The following SYTL3 variants were observed in gnomAD, a reference collection of about 807,000 sequenced individuals.
SYTL3 encodes synaptotagmin-like protein 3.
A neutral mutation model predicts 82.1 loss-of-function variants in SYTL3; 88 were observed. The observed-to-expected ratio is 1.07, with a 90% confidence interval of 0.90 to 1.28. The LOEUF is 1.28. Among genes scored for constraint, SYTL3 ranks in the 50% most tolerant of loss-of-function variants. The pLI is 0.00. For synonymous variants in SYTL3, 311 were observed against 289.4 expected, an observed-to-expected ratio of 1.07 and a Z score of -0.76; for missense variants, 831 against 757.6, an observed-to-expected ratio of 1.10 and a Z score of -1.14.
upstream of SYTL3, among the ~76,000 whole-genome samples, chr6:158,645,384 T>C (rs1324959007): frequency 6.6e-6 from 1 of 152,184 alleles, no homozygotes; most frequent in East Asian, 1.9e-4. Flanking sequence ...AATTAGGAAT[T>C]GCACTGGGCT....
rs1377580483 is a variant in SYTL3, at chr6:158,674,071, G to A, written c.329+8458G>A. ...CGCAGTCCACCCTGGGCAACATAGT[G>A]AGACTGTGTCTCAAAATAATAATAA... is the stretch of plus-strand genomic sequence containing the variant. On this transcript the variant is annotated intron_variant, in intron 5 of 17. Transcript: ENST00000611299. Among the ~76,000 whole-genome samples, 3 of 140,680 alleles carry A rather than the reference G, an allele frequency of 2.1e-5. No homozygotes were observed. The Admixed American group carries it at 2.2e-4, about 10-fold the overall frequency. The allele number at this position is 140,680 out of a possible 152,430, so 92.3% of individuals were successfully genotyped here. A position where few individuals can be genotyped will look rare whatever the true frequency, so the allele number is the denominator to read the frequency against.
Position 158,764,524 on chromosome 6 carries a change from T to C in SYTL3, c.1753T>C (p.Cys585Arg), listed in dbSNP as rs750344063. ...KGDTAVGGDA[C>R]SLSKLQWQKV... ...AGACACAGCTGTTGGCGGGGATGCA[T>C]GCTCACTATCGAAGCTCCAGTGGCA... The change falls in exon 18 of 18, where the codon TGC (cysteine) becomes CGC (arginine). Residue 585 changes from cysteine (C) to arginine (R), a missense_variant. Physicochemically the swap from Cys to Arg is radical, Grantham distance 180. Transcript: ENST00000611299. The C allele has an allele frequency of 8.1e-6, 13 of 1,613,946 alleles. No individual in the cohort carries two copies. Among genetic ancestry groups the C allele is most frequent in the African/African-American group, 2.7e-5 (2 of 74,914 alleles).
At chr6:158,646,478 A>G (rs1787469613), upstream of SYTL3, among the ~76,000 whole-genome samples, 7 of 152,156 alleles carry the variant, frequency 4.6e-5, no homozygotes, top group Admixed American at 4.6e-4. Flanking sequence ...CCTAAAATTT[A>G]TTGCATGAAT....
intron 2 of SYTL3, among the ~76,000 whole-genome samples, chr6:158,658,213 A>C (rs1257074820): frequency 6.6e-6 from 1 of 152,188 alleles, no homozygotes; most frequent in Non-Finnish European, 1.5e-5. Flanking sequence ...TTTCTAGAAC[A>C]TTTGGAGTGT....
chr6:158,703,814 A>ATTATTATTG (rs1781607120), intron 6 of SYTL3, among the ~76,000 whole-genome samples: 1 of 91,450 alleles, frequency 1.1e-5, no homozygotes, highest in Non-Finnish European at 2.4e-5. Context: ...TGGGTTTTAT[A>ATTATTATTG]TTATTATCAT....
rs138798431 is a variant in SYTL3 at position 158,760,684 on chromosome 6, C to T, written c.1353C>T (p.Leu451=). ...GCGTTCCTCAGAGTAATGGAGAGCT[C>T]ACAGTCCGGGCTAAGCTGGTTCTCC... ...EDSVPQSNGE[L]TVRAKLVLPS... is the part of the protein sequence containing the mutation. The change falls in exon 15 of 18, where the codon CTC becomes CTT. Residue 451 remains leucine (L), a synonymous_variant. Coordinates refer to ENST00000611299, the MANE Select transcript of SYTL3 (RefSeq NM_001242394.2). The T allele has an allele frequency of 1.3e-4, 202 of 1,614,140 alleles. No homozygotes were observed. The African/African-American group carries it at 2.4e-3, about 19-fold the overall frequency.
At chr6:158,673,716 G>A (rs549658820) in intron 5 of SYTL3, among the ~76,000 whole-genome samples, 3 of 151,452 alleles carry the variant, frequency 2.0e-5, no homozygotes, top group Non-Finnish European at 4.4e-5. Flanking sequence ...GGGATTAAAG[G>A]TGTGAGCCAC....
intron 13 of SYTL3, among the ~76,000 whole-genome samples, chr6:158,756,026 A>C (rs182744283): frequency 6.6e-6 from 1 of 152,246 alleles, no homozygotes; most frequent in Non-Finnish European, 1.5e-5. Context: ...AGATCAATGC[A>C]TCTAGAAAGC....
chr6:158,689,111 T>C (rs1329304713), intron 6 of SYTL3, among the ~76,000 whole-genome samples: 1 of 152,236 alleles, frequency 6.6e-6, no homozygotes, highest in East Asian at 1.9e-4. Context: ...CAGCTTTCTG[T>C]TGCATTTTTG....
intron 15 of SYTL3, 113 bp from the exon 16 acceptor site, chr6:158,761,963 G>A: frequency 1.4e-6 from 1 of 717,058 alleles, no homozygotes; most frequent in Non-Finnish European, 2.4e-6. Flanking sequence ...CTCTCTCGGG[G>A]TCTGAGGGCT....
chr6:158,712,888 A>G (rs1425129018), intron 8 of SYTL3, among the ~76,000 whole-genome samples: 2 of 151,280 alleles, frequency 1.3e-5, no homozygotes, highest in Non-Finnish European at 2.9e-5. Flanking sequence ...CCTCCCAAGT[A>G]GCTGGGATTA....
At chr6:158,676,841 C>G (rs1378236721) in intron 5 of SYTL3, among the ~76,000 whole-genome samples, 4 of 151,200 alleles carry the variant, frequency 2.6e-5, no homozygotes, top group Non-Finnish European at 4.4e-5. Flanking sequence ...AAATGCAAAT[C>G]AAAACCACAA....
intron 5 of SYTL3, among the ~76,000 whole-genome samples, chr6:158,666,949 T>A (rs1197579208): frequency 1.3e-5 from 2 of 152,236 alleles, no homozygotes; most frequent in Admixed American, 6.5e-5. Context: ...TTTCTTTGGT[T>A]TGCTGAAGCC....
intron 10 of SYTL3, among the ~76,000 whole-genome samples, chr6:158,722,619 T>C (rs764676699): frequency 6.6e-6 from 1 of 152,104 alleles, no homozygotes; most frequent in African/African-American, 2.4e-5. Context: ...GTATATGTTA[T>C]GAATGTACAG....
chr6:158,708,000 G>A (rs1007054051), intron 7 of SYTL3, among the ~76,000 whole-genome samples: 3 of 152,148 alleles, frequency 2.0e-5, no homozygotes, highest in African/African-American at 7.2e-5. Flanking sequence ...ACACGGGAGC[G>A]CAGATGGGAA....
At chr6:158,760,231 C>A (rs1789725364) in intron 14 of SYTL3, among the ~76,000 whole-genome samples, 1 of 152,216 alleles carries the variant, frequency 6.6e-6, no homozygotes, top group East Asian at 1.9e-4. Context: ...GTGTCTGTGC[C>A]AGTCCTTGGC....
At chr6:158,647,309 G>A (rs1054530021), upstream of SYTL3, among the ~76,000 whole-genome samples, 1 of 152,196 alleles carries the variant, frequency 6.6e-6, no homozygotes, top group Non-Finnish European at 1.5e-5. Flanking sequence ...TTTGTTAAAT[G>A]ATCGCGATGT....
At chr6:158,684,304 G>A (rs1241576626) in intron 6 of SYTL3, among the ~76,000 whole-genome samples, 1 of 152,152 alleles carries the variant, frequency 6.6e-6, no homozygotes, top group Non-Finnish European at 1.5e-5. Flanking sequence ...GTCTCTCTAG[G>A]CCTGATACTT....
intron 6 of SYTL3, among the ~76,000 whole-genome samples, chr6:158,704,478 C>A (rs1300112801): frequency 6.6e-6 from 1 of 152,266 alleles, no homozygotes; most frequent in Admixed American, 6.5e-5. Context: ...TAGCTGGGGT[C>A]TGAGATGTGG....
Sources: allele counts gnomAD v4.1 joint callset (sites outside exome capture counted in the v4.1 genomes callset), GRCh38; gene constraint gnomAD v4.1.1; transcripts MANE v1.5; gene names NCBI Gene and HGNC (gene_info 2026-07-23, HGNC 2026-07-21).